ARHGEF26: variants seen among roughly 807,000 people sequenced by gnomAD.
ARHGEF26 encodes the protein Rho guanine nucleotide exchange factor (GEF) 26.
ARHGEF26 carries 59 observed loss-of-function variants against 89.4 expected under a neutral mutation model. The observed-to-expected ratio is 0.66, with a 90% CI of 0.54 to 0.82. The LOEUF (loss-of-function observed/expected upper bound fraction) is 0.82, where lower values mean the gene tolerates loss of function less well. ARHGEF26 is among the 40% of genes least tolerant of loss of function. The probability of loss-of-function intolerance (pLI) is 0.00; values close to 1 mark genes in which losing one functional copy is unlikely to be tolerated. For missense variants in ARHGEF26, 1,234 were observed against 1,085.6 expected (o/e 1.14, Z -1.92); for synonymous variants, 500 against 428.4 (o/e 1.17, Z -2.06).
intron 10 of ARHGEF26, among the ~76,000 whole-genome samples, chr3:154,224,822 T>C (rs1716374839): frequency 1.3e-5 from 2 of 152,262 alleles, no homozygotes; most frequent in Non-Finnish European, 2.9e-5. Context: ...AGCAACCTTC[T>C]TATAAAAGCT....
At chr3:154,145,402 C>T (rs1405893) in intron 4 of ARHGEF26, among the ~76,000 whole-genome samples, 100,461 of 152,048 alleles carry the variant, frequency 0.66, 34,195 homozygotes, top group Non-Finnish European at 0.75. Context: ...TAGAGAATCA[C>T]CAATAGACAT....
chr3:154,125,557 A>G (rs1368449303), intron 3 of ARHGEF26, among the ~76,000 whole-genome samples: 2 of 152,212 alleles, frequency 1.3e-5, no homozygotes, highest in Non-Finnish European at 2.9e-5. Context: ...CACTCTGACT[A>G]TGAAGTGAAC....
rs147136183 is a variant in ARHGEF26 at position 154,187,572 on chromosome 3, C to T, written c.1488-113C>T. The T allele has an allele frequency of 4.0e-4, 329 of 818,138 alleles. 2 individuals carry two copies. The East Asian group carries it at 8.7e-3, about 22-fold the overall frequency. The allele number at this position is 818,138 out of a possible 1,614,324, so 50.7% of individuals were successfully genotyped here. A position where few individuals can be genotyped will look rare whatever the true frequency, so the allele number is the denominator to read the frequency against. ...TTTTAAAAATATTTTTTAGTTGGTACTGTGTACTGTTGAATTTTCAAACCC... is the reference window on the plus strand; with the variant it reads ...TTTTAAAAATATTTTTTAGTTGGTATTGTGTACTGTTGAATTTTCAAACCC... On this transcript the variant is annotated intron_variant, in intron 6 of 14. Coordinates refer to ENST00000465093, the MANE Select transcript of ARHGEF26 (RefSeq NM_015595.4).
chr3:154,126,798 A>G (rs1407230591), intron 3 of ARHGEF26, among the ~76,000 whole-genome samples: 1 of 152,206 alleles, frequency 6.6e-6, no homozygotes, highest in Admixed American at 6.5e-5. Context: ...GCCATGCATC[A>G]CTTAATGATG....
intron 6 of ARHGEF26, among the ~76,000 whole-genome samples, chr3:154,161,206 T>C (rs2108117769): frequency 6.6e-6 from 1 of 152,238 alleles, no homozygotes; most frequent in South Asian, 2.1e-4. Flanking sequence ...TAACATTTTA[T>C]CATCTTTGTT....
At position 154,257,147 on chromosome 3, in the gene ARHGEF26, C is replaced by T; in HGVS notation, c.*1674C>T. On this transcript the variant is annotated 3_prime_UTR_variant, in exon 15 of 15. Coordinates refer to ENST00000465093, the MANE Select transcript of ARHGEF26 (RefSeq NM_015595.4). ...CTGGCTCACACAGCCTGCACCCTGT[C>T]ACCTCGGCAATGAGCCAGTGTGGGG... is the stretch of plus-strand genomic sequence containing the variant. The T allele has an allele frequency of 1.4e-6, 1 of 722,260 alleles. No individual in the cohort carries two copies. The highest frequency in any genetic ancestry group is 3.1e-5 in the East Asian group (1 of 32,314). 44.7% of individuals were successfully genotyped at this position (722,260 alleles called of 1,614,324 possible). A position where few individuals can be genotyped will look rare whatever the true frequency, so the allele number is the denominator to read the frequency against.
At position 154,123,048 on chromosome 3, in the gene ARHGEF26, G is replaced by A. The variant is rs762256938; in HGVS notation, c.1056G>A (p.Glu352=). ...PVLKVVMEDK[E]KFSSLGRIKK... is the part of the protein sequence containing the mutation. ...TGAAAGTGGTGATGGAAGACAAGGA[G>A]AAGTTTTCCAGTCTGGGAAGGATAA... Residue 352 remains glutamate, a synonymous_variant, in exon 2 of 15, where the codon GAG becomes GAA. Coordinates refer to ENST00000465093, the MANE Select transcript of ARHGEF26 (RefSeq NM_015595.4). The A allele has an allele frequency of 2.2e-5, 35 of 1,613,958 alleles. No individual in the cohort carries two copies. In the East Asian group the frequency reaches 7.1e-4, roughly 33 times the overall value.
intron 8 of ARHGEF26, 131 bp downstream of exon 8, chr3:154,191,549 G>T: frequency 2.7e-6 from 3 of 1,130,728 alleles, no homozygotes; most frequent in Non-Finnish European, 2.4e-6. Flanking sequence ...TAAGTGAGAA[G>T]GTGTTGTTTG....
intron 6 of ARHGEF26, among the ~76,000 whole-genome samples, chr3:154,160,038 A>G (rs1285106693): frequency 6.6e-6 from 1 of 152,154 alleles, no homozygotes; most frequent in Admixed American, 6.5e-5. Context: ...TATTTTCCTG[A>G]ATATAACAGA....
intron 5 of ARHGEF26, among the ~76,000 whole-genome samples, chr3:154,151,601 A>G (rs1007897163): frequency 2.6e-5 from 4 of 152,052 alleles, no homozygotes; most frequent in African/African-American, 4.8e-5. Flanking sequence ...CTTACTCTTT[A>G]CTCTTCAGAT....
intron 9 of ARHGEF26, among the ~76,000 whole-genome samples, chr3:154,209,652 C>T (rs536213110): frequency 1.7e-3 from 255 of 152,316 alleles, no homozygotes; most frequent in Non-Finnish European, 3.1e-3. Flanking sequence ...GGTGGAGTGA[C>T]ACAAGCACCC....
chr3:154,217,589 G>C (rs1455505556), intron 9 of ARHGEF26, among the ~76,000 whole-genome samples: 2 of 152,172 alleles, frequency 1.3e-5, no homozygotes, highest in Non-Finnish European at 2.9e-5. Flanking sequence ...TTGCCTTTGA[G>C]GTTGGCCATC....
chr3:154,225,960 A>G lies in ARHGEF26; in HGVS notation c.2040A>G (p.Gln680=), dbSNP rs374902966. 18 of 1,613,222 alleles carry G rather than the reference A, an allele frequency of 1.1e-5. No individual in the cohort carries two copies. The highest frequency in any genetic ancestry group is 8.3e-5 in the Admixed American group (5 of 59,940). The stretch of plus-strand genomic sequence containing the variant: ...TCTCAAGAAGGACATCCAAACAGCA[A>G]GTCTACTTCTTTCTCTTTAACGATG... ...VLFSRRTSKQ[Q]VYFFLFNDVL... The change falls in exon 11 of 15, where the codon CAA becomes CAG. Residue 680 remains glutamine (Q), a synonymous_variant. Coordinates refer to ENST00000465093, the MANE Select transcript of ARHGEF26 (RefSeq NM_015595.4).
At chr3:154,123,240 T>C (rs1345189126) in intron 2 of ARHGEF26, among the ~76,000 whole-genome samples, 165 bp downstream of exon 2, 1 of 152,212 alleles carries the variant, frequency 6.6e-6, no homozygotes, top group Non-Finnish European at 1.5e-5. Context: ...ACTTTGATGC[T>C]GGCAGGCACA....
chr3:154,173,830 A>G (rs554270456), intron 6 of ARHGEF26, among the ~76,000 whole-genome samples: 18 of 152,314 alleles, frequency 1.2e-4, no homozygotes, highest in African/African-American at 4.3e-4. Flanking sequence ...ATGAGTCCCT[A>G]AAAACTCAGT....
At chr3:154,160,959 A>G (rs184894635) in intron 6 of ARHGEF26, among the ~76,000 whole-genome samples, 2 of 152,258 alleles carry the variant, frequency 1.3e-5, no homozygotes, top group South Asian at 2.1e-4. Context: ...CCCCAGCAGC[A>G]GGGCAGCATT....
chr3:154,187,209 A>C, intron 6 of ARHGEF26: 1 of 984,568 alleles, frequency 1.0e-6, no homozygotes. Flanking sequence ...TTATTTTTTA[A>C]GCATTTATTT....
At chr3:154,136,268 A>AAATATTTTC (rs1718997030) in intron 4 of ARHGEF26, among the ~76,000 whole-genome samples, 1 of 97,274 alleles carries the variant, frequency 1.0e-5, no homozygotes, top group East Asian at 5.6e-4. Context: ...ATTTTAATTA[A>AAATATTTTC]AGTATTTTAA....
chr3:154,206,467 G>T (rs374088417), intron 9 of ARHGEF26, among the ~76,000 whole-genome samples: 1 of 152,092 alleles, frequency 6.6e-6, no homozygotes, highest in South Asian at 2.1e-4. Flanking sequence ...TATACACCAA[G>T]AGTGGGCGAT....
Sources: gnomAD v4.1 joint callset for allele counts (sites outside exome capture counted in the v4.1 genomes callset) on GRCh38, gnomAD v4.1.1 for gene constraint, MANE v1.5 for transcripts, NCBI Gene and HGNC (gene_info 2026-07-23, HGNC 2026-07-21) for gene names.